PACSIN2: variants seen among roughly 807,000 people sequenced by gnomAD.
PACSIN2 encodes the protein protein kinase C and casein kinase substrate in neurons protein 2.
Under a neutral mutation model 63.8 loss-of-function variants are expected in PACSIN2, and 25 were observed. That is an observed-to-expected ratio of 0.39 (90% CI 0.29 to 0.55). The LOEUF (loss-of-function observed/expected upper bound fraction) is 0.55, where lower values mean the gene tolerates loss of function less well. Ranked by LOEUF, PACSIN2 falls within the 20% of genes least tolerant of loss-of-function variation. PACSIN2 has a pLI of 0.62. For missense variants in PACSIN2, 518 were observed against 646.9 expected (o/e 0.80, Z 2.16); for synonymous variants, 255 against 256.2 (o/e 1.00, Z 0.05).
At chr22:42,903,178 G>C (rs1183173208) in intron 2 of PACSIN2, among the ~76,000 whole-genome samples, 3 of 152,228 alleles carry the variant, frequency 2.0e-5, no homozygotes, top group Admixed American at 6.5e-5. Context: ...CAGGCAGCTA[G>C]AGGGGGCTCC....
At chr22:42,915,699 G>A (rs748256230) in intron 1 of PACSIN2, among the ~76,000 whole-genome samples, 27 of 152,316 alleles carry the variant, frequency 1.8e-4, no homozygotes, top group Middle Eastern at 6.8e-3. Context: ...AACAGAATTA[G>A]GAAGACAAAT....
At chr22:42,872,397 T>C (rs533776034) in intron 10 of PACSIN2, among the ~76,000 whole-genome samples, 4 of 152,360 alleles carry the variant, frequency 2.6e-5, no homozygotes, top group African/African-American at 2.4e-5. Flanking sequence ...GAGCAAGCAA[T>C]TGGTGGGAAA....
intron 5 of PACSIN2, among the ~76,000 whole-genome samples, chr22:42,887,709 G>A (rs1329839318): frequency 3.3e-5 from 5 of 152,106 alleles, no homozygotes; most frequent in Non-Finnish European, 1.5e-5. Context: ...ATCACAAGAC[G>A]ATGACGCTGT....
At chr22:42,939,768 G>A (rs1013975738) in intron 1 of PACSIN2, among the ~76,000 whole-genome samples, 5 of 152,186 alleles carry the variant, frequency 3.3e-5, no homozygotes, top group Non-Finnish European at 5.9e-5. Flanking sequence ...AAGAGGGAGA[G>A]ACACTCCCTG....
intron 1 of PACSIN2, among the ~76,000 whole-genome samples, chr22:42,938,402 T>C (rs1371629904): frequency 6.6e-6 from 1 of 152,198 alleles, no homozygotes; most frequent in Non-Finnish European, 1.5e-5. Context: ...TCCTCCCCTC[T>C]GGAACACACA....
At chr22:42,976,462 C>CTGGGGTTTCACA (rs56276598) in intron 1 of PACSIN2, among the ~76,000 whole-genome samples, 1 of 151,910 alleles carries the variant, frequency 6.6e-6, no homozygotes, top group African/African-American at 2.4e-5. Context: ...ACAGGATCAT[C>CTGGGGTTTCACA]GATTTGAGGC....
At chr22:42,992,323 G>A (rs1019624770) in intron 1 of PACSIN2, among the ~76,000 whole-genome samples, 1 of 152,152 alleles carries the variant, frequency 6.6e-6, no homozygotes, top group African/African-American at 2.4e-5. Flanking sequence ...GGTGATGCGC[G>A]CAAAGCACTT....
intron 2 of PACSIN2, among the ~76,000 whole-genome samples, chr22:42,894,387 C>A (rs1387263931): frequency 6.6e-6 from 1 of 152,162 alleles, no homozygotes; most frequent in Non-Finnish European, 1.5e-5. Flanking sequence ...ACTACAGGCA[C>A]GCATGCCATC....
rs978859139 is a variant in PACSIN2 at position 42,880,506 on chromosome 22, C to G, written c.907-1337G>C. The G allele has an allele frequency of 5.3e-5, 8 of 152,212 alleles. No individual in the cohort carries two copies. In the East Asian group the frequency reaches 1.5e-3, roughly 29 times the overall value. The allele number at this position is 152,212 out of a possible 1,614,324, so 9.4% of individuals were successfully genotyped here. A position where few individuals can be genotyped will look rare whatever the true frequency, so the allele number is the denominator to read the frequency against. On this transcript the variant is annotated intron_variant, in intron 7 of 10. Transcript: ENST00000263246. The stretch of plus-strand genomic sequence containing the variant: ...TCAATACCCCTGACAGCAGCGCAGC[C>G]TCAGCTGAACTGCTAGGAGCCTAGC...
At chr22:42,884,084 C>T (rs1182785131) in intron 6 of PACSIN2, among the ~76,000 whole-genome samples, 6 of 152,342 alleles carry the variant, frequency 3.9e-5, no homozygotes, top group African/African-American at 1.4e-4. Flanking sequence ...ATCTCCATTC[C>T]CACCCAGACC....
At chr22:42,962,071 T>C (rs1276154033) in intron 1 of PACSIN2, among the ~76,000 whole-genome samples, 1 of 151,986 alleles carries the variant, frequency 6.6e-6, no homozygotes. Context: ...GCGCCTGAGT[T>C]CTGGGGAAGC....
intron 1 of PACSIN2, among the ~76,000 whole-genome samples, chr22:42,973,447 C>T (rs1277781911): frequency 6.6e-6 from 1 of 152,206 alleles, no homozygotes. Flanking sequence ...AACAAGGCTC[C>T]ACTGAAGCTT....
At chr22:42,925,040 G>C (rs762082441) in intron 1 of PACSIN2, among the ~76,000 whole-genome samples, 10 of 151,566 alleles carry the variant, frequency 6.6e-5, no homozygotes, top group Non-Finnish European at 1.2e-4. Flanking sequence ...CACTGCGTCC[G>C]GCCCCAGTGA....
chr22:42,892,955 T>A (rs1930016586), intron 3 of PACSIN2, among the ~76,000 whole-genome samples: 1 of 152,198 alleles, frequency 6.6e-6, no homozygotes, highest in South Asian at 2.1e-4. Context: ...AGCTACAGAA[T>A]CTTCTGAGCT....
intron 1 of PACSIN2, among the ~76,000 whole-genome samples, chr22:42,935,259 A>G (rs2146786929): frequency 6.6e-6 from 1 of 152,236 alleles, no homozygotes; most frequent in South Asian, 2.1e-4. Context: ...CTCAGAGTCC[A>G]GCAGTGTCTG....
At chr22:42,890,054 T>C (rs1602190352) in intron 4 of PACSIN2, among the ~76,000 whole-genome samples, 1 of 146,834 alleles carries the variant, frequency 6.8e-6, no homozygotes, top group African/African-American at 2.6e-5. Context: ...CAGGCTGGAG[T>C]GCAGTGGCGT....
intron 1 of PACSIN2, among the ~76,000 whole-genome samples, chr22:42,973,124 A>G (rs1304699811): frequency 5.3e-5 from 8 of 152,258 alleles, no homozygotes; most frequent in African/African-American, 1.9e-4. Context: ...CAGCTCAAAC[A>G]AGAATATCAG....
intron 5 of PACSIN2, among the ~76,000 whole-genome samples, chr22:42,886,278 G>T (rs532999824): frequency 6.6e-6 from 1 of 152,184 alleles, no homozygotes. Flanking sequence ...AACAAGAGGC[G>T]GCCTTCACCC....
chr22:42,981,602 G>A (rs1214753294), intron 1 of PACSIN2, among the ~76,000 whole-genome samples: 109 of 111,698 alleles, frequency 9.8e-4, no homozygotes, highest in Non-Finnish European at 1.4e-3. Context: ...CTACTGGGAA[G>A]TGAGGACCCC....
Sources: gnomAD v4.1 joint callset for allele counts (sites outside exome capture counted in the v4.1 genomes callset) on GRCh38, gnomAD v4.1.1 for gene constraint, MANE v1.5 for transcripts, NCBI Gene and HGNC (gene_info 2026-07-23, HGNC 2026-07-21) for gene names.